The following DPF2 variants were observed in gnomAD, a reference collection of about 807,000 sequenced individuals.
DPF2 encodes the protein zinc finger protein ubi-d4.
A neutral mutation model predicts 59.6 loss-of-function variants in DPF2; 10 were observed. The observed-to-expected ratio is 0.17, with a 90% CI of 0.10 to 0.28. The LOEUF is 0.28. Ranked by LOEUF, DPF2 falls within the 10% of genes least tolerant of loss-of-function variation. The pLI is 1.00. For missense variants in DPF2, 315 were observed against 509.4 expected, an observed-to-expected ratio of 0.62 and a Z score of 3.67; for synonymous variants, 189 against 190.6, an observed-to-expected ratio of 0.99 and a Z score of 0.07.
At chr11:65,347,777 T>A (rs1417407463) in intron 9 of DPF2, 1 of 152,202 alleles carries the variant, frequency 6.6e-6, no homozygotes, top group Non-Finnish European at 1.5e-5. Flanking sequence ...TGTCTCAGCC[T>A]CCCAGGTAGC....
intron 6 of DPF2, chr11:65,344,958 C>T (rs1854485912): frequency 5.8e-6 from 2 of 343,054 alleles, no homozygotes; most frequent in Non-Finnish European, 1.1e-5. Context: ...ACTGCCCCAC[C>T]ACCTCCTCCT....
At chr11:65,347,440 C>A (rs1159544136) in intron 9 of DPF2, 1 of 151,900 alleles carries the variant, frequency 6.6e-6, no homozygotes, top group South Asian at 2.1e-4. Context: ...GCAGTACAAT[C>A]CTCCCACCTC....
intron 6 of DPF2, chr11:65,344,573 C>A (rs1057127873): frequency 5.5e-5 from 85 of 1,535,798 alleles, no homozygotes; most frequent in African/African-American, 6.8e-5. Flanking sequence ...TTCTTTCTGT[C>A]TTTCAGATAG....
chr11:65,337,496 T>TAG (rs1475373950), intron 1 of DPF2, among the ~76,000 whole-genome samples: 34 of 57,216 alleles, frequency 5.9e-4, no homozygotes, highest in Non-Finnish European at 7.1e-4. Context: ...TATATATATA[T>TAG]ATATATATAG....
chr11:65,348,765 C>T (rs1439954722), intron 9 of DPF2, 85 bp from the exon 10 acceptor site: 9 of 1,348,390 alleles, frequency 6.7e-6, no homozygotes, highest in Admixed American at 3.5e-5. Flanking sequence ...TGCTACCTAC[C>T]CCTCTTGGAA....
rs1479427492 is a variant in DPF2, at chr11:65,344,032, C to T, written c.600C>T (p.Ser200=). The change falls in exon 6 of 11, where the codon TCC becomes TCT. Residue 200 remains serine (S), a synonymous_variant. Coordinates refer to ENST00000528416, the MANE Select transcript of DPF2 (RefSeq NM_006268.5). ...GTGCCCGTAAGAAGCTGGATGCTTC[C>T]ATCCTGGAGGACCGGGATAAGCCCT... ...VGSARKKLDA[S]ILEDRDKPYA... 1.2e-6 allele frequency: 2 copies of T among 1,614,208 alleles called. No individual in the cohort carries two copies. Among genetic ancestry groups the T allele is most frequent in the Non-Finnish European group, 1.7e-6 (2 of 1,180,038 alleles).
chr11:65,336,785 C>CAAAAA (rs751170058), intron 1 of DPF2, among the ~76,000 whole-genome samples: 1 of 65,880 alleles, frequency 1.5e-5, no homozygotes, highest in Non-Finnish European at 3.0e-5. Context: ...GACTCCATCT[C>CAAAAA]AAAAAAAAAA....
chr11:65,336,785 CAAAAAAAAA>C (rs751170058), intron 1 of DPF2, among the ~76,000 whole-genome samples: 2 of 65,852 alleles, frequency 3.0e-5, no homozygotes, highest in East Asian at 4.4e-4. Flanking sequence ...GACTCCATCT[CAAAAAAAAA>C]AAAAAAAAAA....
rs1400329096 is a variant in DPF2 at position 65,343,962 on chromosome 11, T to C, written c.559-29T>C. The C allele has an allele frequency of 4.3e-6, 7 of 1,613,722 alleles. No individual in the cohort carries two copies. In the South Asian group the frequency reaches 7.7e-5, roughly 18 times the overall value. ...AACTCCTCAGGCCCAGCTACCAAAA[T>C]AAGGGTGTCTCTTTGCTCTTCTTGG... On this transcript the variant is annotated intron_variant, in intron 5 of 10. Coordinates refer to ENST00000528416, the MANE Select transcript of DPF2 (RefSeq NM_006268.5).
At chr11:65,350,332 G>A (rs537096992) in intron 10 of DPF2, among the ~76,000 whole-genome samples, 1 of 148,748 alleles carries the variant, frequency 6.7e-6, no homozygotes. Context: ...CTTGCAAGCT[G>A]TTTTGTTTTC....
intron 3 of DPF2, 60 bp downstream of exon 3, chr11:65,341,133 C>G (rs1204096381): frequency 1.9e-6 from 3 of 1,543,876 alleles, no homozygotes; most frequent in South Asian, 1.1e-5. Flanking sequence ...GCCTGCTAAT[C>G]ACTGTGATAT....
chr11:65,337,337 T>C (rs1854191591), intron 1 of DPF2, among the ~76,000 whole-genome samples: 1 of 148,314 alleles, frequency 6.7e-6, no homozygotes, highest in South Asian at 2.1e-4. Flanking sequence ...CTCGGGAGCC[T>C]GAGGCAAGAG....
At chr11:65,345,501 T>A (rs1854501093) in intron 6 of DPF2, 165 bp from the exon 7 acceptor site, 1 of 951,472 alleles carries the variant, frequency 1.1e-6, no homozygotes, top group Admixed American at 2.7e-5. Context: ...CTGATGCTCC[T>A]GGCTGAGGGG....
rs1304249207 is a variant in DPF2 at position 65,333,883 on chromosome 11, G to A, written c.-4G>A. ...TCTCGGCCCGAGGCAGAGGAACAGG[G>A]AAGATGGCGGCTGTGGTGGAGAATG... On this transcript the variant is annotated 5_prime_UTR_variant, in exon 1 of 11. Coordinates refer to ENST00000528416, the MANE Select transcript of DPF2 (RefSeq NM_006268.5). 2 of 1,614,026 alleles carry A rather than the reference G, an allele frequency of 1.2e-6. No individual in the cohort carries two copies. The highest frequency in any genetic ancestry group is 1.7e-5 in the Admixed American group (1 of 60,022).
rs1854735786 is a variant in DPF2, at chr11:65,352,426, C to G, written c.*667C>G. 1 of 152,782 alleles carries G rather than the reference C, an allele frequency of 6.5e-6. No homozygotes were observed. Among genetic ancestry groups the G allele is most frequent in the South Asian group, 2.1e-4 (1 of 4,834 alleles). 9.5% of individuals were successfully genotyped at this position (152,782 alleles called of 1,614,324 possible). On this transcript the variant is annotated 3_prime_UTR_variant, in exon 11 of 11. Transcript: ENST00000528416. ...TGCTCTCCTGGCTCACTCTTACGGTCGGTCTCCAGTGACTGAAGCATTCCC... is the reference window on the plus strand; with the variant it reads ...TGCTCTCCTGGCTCACTCTTACGGTGGGTCTCCAGTGACTGAAGCATTCCC...
At chr11:65,346,392 C>T (rs750063210) in intron 9 of DPF2, 33 bp downstream of exon 9, 5 of 1,587,766 alleles carry the variant, frequency 3.1e-6, no homozygotes, top group East Asian at 2.2e-5. Context: ...CAGCATGGCT[C>T]CTTCTGGGCT....
In DPF2 at chr11:65,346,286, C is replaced by T. The variant is rs1854527900; in HGVS notation, c.944C>T (p.Ala315Val). 7 of 1,614,064 alleles carry T rather than the reference C, an allele frequency of 4.3e-6. No homozygotes were observed. The highest frequency in any genetic ancestry group is 5.9e-6 in the Non-Finnish European group (7 of 1,180,026). ...SCLQFTPVMM[A>V]AVKTYRWQCI... The stretch of plus-strand genomic sequence containing the variant: ...CTCCAATTTACCCCCGTGATGATGG[C>T]GGCAGTGAAGACATACCGCTGGCAG... Residue 315 changes from alanine to valine, a missense_variant, in exon 9 of 11, where the codon GCG becomes GTG. By Grantham distance (64) the Ala-to-Val change is moderately conservative. Transcript: ENST00000528416.
At chr11:65,341,187 A>G (rs1471502086) in intron 3 of DPF2, 114 bp downstream of exon 3, 2 of 1,297,666 alleles carry the variant, frequency 1.5e-6, no homozygotes, top group Admixed American at 2.1e-5. Flanking sequence ...AATGAATATG[A>G]TGTGATTCTT....
chr11:65,344,016 A>G lies in DPF2; in HGVS notation c.584A>G (p.Lys195Arg). The G allele has an allele frequency of 5.6e-6, 9 of 1,614,212 alleles. No homozygotes were observed. Among genetic ancestry groups the G allele is most frequent in the Non-Finnish European group, 7.6e-6 (9 of 1,180,038 alleles). ...GGTAAGGGTGTGGGCAGTGCCCGTA[A>G]GAAGCTGGATGCTTCCATCCTGGAG... Reference protein sequence around the residue: ...SKGKGVGSARKKLDASILEDR... With the variant: ...SKGKGVGSARRKLDASILEDR... Residue 195 changes from lysine to arginine, a missense_variant, in exon 6 of 11, where the codon AAG becomes AGG. Around this residue, in one of 4 missense-constraint regions of DPF2, gnomAD observed 228 missense variants for 275.3 expected, o/e 0.83. Transcript: ENST00000528416.
Sources: gnomAD v4.1 joint callset for allele counts (sites outside exome capture counted in the v4.1 genomes callset) on GRCh38, gnomAD v4.1.1 for gene constraint, gnomAD v4.1.1 regional missense constraint, MANE v1.5 for transcripts, NCBI Gene and HGNC (gene_info 2026-07-23, HGNC 2026-07-21) for gene names.